IPO7: variants seen among roughly 807,000 people sequenced by gnomAD.
IPO7 encodes the protein importin-7.
In IPO7, 13 loss-of-function variants were observed where a neutral mutation model predicts 136.4. The observed-to-expected ratio is 0.10, with a 90% CI of 0.06 to 0.15. The LOEUF (loss-of-function observed/expected upper bound fraction) is 0.15. Among genes scored for constraint, IPO7 ranks in the 10% least tolerant of loss-of-function variants. The pLI is 1.00. For synonymous variants in IPO7, 403 were observed against 404.4 expected, an observed-to-expected ratio of 1.00 and a Z score of 0.04; for missense variants, 857 against 1,240.6, an observed-to-expected ratio of 0.69 and a Z score of 4.65.
In IPO7 at chr11:9,429,750, T is replaced by A. The variant is rs993074265; in HGVS notation, c.1668T>A (p.Asp556Glu). The A allele has an allele frequency of 1.2e-6, 2 of 1,605,288 alleles. No individual in the cohort carries two copies. The highest frequency in any genetic ancestry group is 1.7e-6 in the Non-Finnish European group (2 of 1,174,130). Residue 556 changes from aspartate (D) to glutamate (E), a missense_variant, in exon 15 of 25, where the codon GAT (aspartate) becomes GAA (glutamate). Asp to Glu is a conservative substitution (Grantham distance 45, BLOSUM62 2). Coordinates refer to ENST00000379719, the MANE Select transcript of IPO7 (RefSeq NM_006391.3). ...ACATTATAAGAGAAACAGAAAATGATGACCTTACCAATGTAATTCAGAAAA... is the reference window on the plus strand; with the variant it reads ...ACATTATAAGAGAAACAGAAAATGAAGACCTTACCAATGTAATTCAGAAAA... The part of the protein sequence containing the change: ...LLHIIRETEN[D>E]DLTNVIQKMI...
chr11:9,429,658 ACT>A lies in IPO7; in HGVS notation c.1592-13_1592-12del. The A allele has an allele frequency of 6.3e-7, 1 of 1,590,620 alleles. No individual in the cohort carries two copies. The highest frequency in any genetic ancestry group is 8.5e-7 in the Non-Finnish European group (1 of 1,173,804). ...TTTAGGGGTTTTACGCAAGTTTTTTACTCTTTCTCTTACAGCTAAAGAATATA... is the reference window on the plus strand; with the variant it reads ...TTTAGGGGTTTTACGCAAGTTTTTTACTTTCTCTTACAGCTAAAGAATATA... On this transcript the variant is annotated splice_polypyrimidine_tract_variant and intron_variant, in intron 14 of 24. Coordinates refer to ENST00000379719, the MANE Select transcript of IPO7 (RefSeq NM_006391.3).
intron 18 of IPO7, 54 bp downstream of exon 18, chr11:9,433,900 G>C: frequency 6.9e-7 from 1 of 1,449,728 alleles, no homozygotes; most frequent in Non-Finnish European, 9.4e-7. Context: ...TGATTTATTT[G>C]TAGCTTATCA....
chr11:9,414,187 A>G (rs1855007045), intron 4 of IPO7, 68 bp from the exon 5 acceptor site: 3 of 1,111,932 alleles, frequency 2.7e-6, no homozygotes, highest in East Asian at 2.8e-5. Context: ...AAATAAATGC[A>G]TAGTTTAAAT....
At chr11:9,433,366 T>G (rs1454298354) in intron 16 of IPO7, 1 of 522,952 alleles carries the variant, frequency 1.9e-6, no homozygotes. Context: ...TAGCCATTCC[T>G]TGTGTTTTTC....
chr11:9,443,601 A>AC, intron 24 of IPO7, among the ~76,000 whole-genome samples: 1 of 150,478 alleles, frequency 6.6e-6, no homozygotes, highest in Non-Finnish European at 1.5e-5. Flanking sequence ...CAAAAAAAAA[A>AC]AAAAAAAATT....
chr11:9,385,881 C>T (rs948417230), intron 1 of IPO7, among the ~76,000 whole-genome samples: 2 of 152,192 alleles, frequency 1.3e-5, no homozygotes, highest in Admixed American at 6.5e-5. Context: ...CTTAAAAGGG[C>T]TGCTGTAACT....
chr11:9,407,526 G>A (rs1056290641), intron 2 of IPO7, among the ~76,000 whole-genome samples: 55 of 152,178 alleles, frequency 3.6e-4, no homozygotes, highest in African/African-American at 1.3e-3. Context: ...CTGCACTCCA[G>A]CCTGGTGACA....
chr11:9,429,495 C>G (rs1042124830), intron 14 of IPO7, among the ~76,000 whole-genome samples, 179 bp from the exon 15 acceptor site: 2 of 151,876 alleles, frequency 1.3e-5, no homozygotes, highest in African/African-American at 4.8e-5. Flanking sequence ...CAGATCAAAA[C>G]CCTGCCTCTT....
intron 22 of IPO7, among the ~76,000 whole-genome samples, 171 bp downstream of exon 22, chr11:9,438,456 C>G (rs1238269738): frequency 6.6e-6 from 1 of 151,984 alleles, no homozygotes. Context: ...GAAACCCCAC[C>G]TCTACTAAAA....
At chr11:9,422,403 G>C (rs1208314054) in intron 8 of IPO7, among the ~76,000 whole-genome samples, 2 of 151,254 alleles carry the variant, frequency 1.3e-5, no homozygotes, top group Non-Finnish European at 2.9e-5. Flanking sequence ...TCAAAACACA[G>C]TTTTGTTTTT....
At position 9,437,964 on chromosome 11, in the gene IPO7, T is replaced by C; in HGVS notation, c.2479T>C (p.Cys827Arg). ...TACACAGTGGCTTAATGATGTTGAC[T>C]GTTTCTTGGGGTAAGTGATGTATTG... ...FITQWLNDVD[C>R]FLGLHDRKMC... Residue 827 changes from cysteine to arginine, a missense_variant, in exon 21 of 25, where the codon TGT (cysteine) becomes CGT (arginine). Physicochemically the swap from Cys to Arg is radical, Grantham distance 180. This residue lies in a region of IPO7 where 190 missense variants were observed against 249.0 expected (regional missense o/e 0.76). Transcript: ENST00000379719. 1.2e-6 allele frequency: 2 copies of C among 1,612,784 alleles called. No individual in the cohort carries two copies. The highest frequency in any genetic ancestry group is 1.7e-6 in the Non-Finnish European group (2 of 1,179,004).
chr11:9,417,182 T>C, intron 6 of IPO7, 34 bp downstream of exon 6: 1 of 889,430 alleles, frequency 1.1e-6, no homozygotes, highest in Non-Finnish European at 1.8e-6. Context: ...TATTACTAAA[T>C]GTAAATATTT....
In IPO7 at chr11:9,437,955, G is replaced by A; in HGVS notation, c.2470G>A (p.Asp824Asn). Reference protein sequence around the residue: ...TNHFITQWLNDVDCFLGLHDR... With the variant: ...TNHFITQWLNNVDCFLGLHDR... ...TCATTTTATTACACAGTGGCTTAAT[G>A]ATGTTGACTGTTTCTTGGGGTAAGT... The change falls in exon 21 of 25, where the codon GAT becomes AAT. Residue 824 changes from aspartate (D) to asparagine (N), a missense_variant. Around this residue, in one of 11 missense-constraint regions of IPO7, gnomAD observed 190 missense variants for 249.0 expected, o/e 0.76. Transcript: ENST00000379719. 6.2e-7 allele frequency: 1 copy of A among 1,609,490 alleles called. No homozygotes were observed. The highest frequency in any genetic ancestry group is 8.5e-7 in the Non-Finnish European group (1 of 1,178,112).
chr11:9,437,722 G>T lies in IPO7; in HGVS notation c.2269-32G>T, dbSNP rs76296331. 3,139 of 1,455,422 alleles carry T rather than the reference G, an allele frequency of 2.2e-3. 102 individuals are homozygous for T. In the East Asian group the frequency reaches 0.062, roughly 29 times the overall value. 90.2% of individuals were successfully genotyped at this position (1,455,422 alleles called of 1,614,324 possible). A position where few individuals can be genotyped will look rare whatever the true frequency, so the allele number is the denominator to read the frequency against. On this transcript the variant is annotated intron_variant, in intron 20 of 24. Coordinates refer to ENST00000379719, the MANE Select transcript of IPO7 (RefSeq NM_006391.3). ...GAATGTTTGCATGCTATTAATTATAGTCTTAGAATATCTTGCTATCTTTTT... is the reference window on the plus strand; with the variant it reads ...GAATGTTTGCATGCTATTAATTATATTCTTAGAATATCTTGCTATCTTTTT...
At chr11:9,432,592 G>A (rs1364371027) in intron 16 of IPO7, among the ~76,000 whole-genome samples, 2 of 152,058 alleles carry the variant, frequency 1.3e-5, no homozygotes, top group Non-Finnish European at 2.9e-5. Flanking sequence ...CAGATTAATT[G>A]TTTATTCTAT....
At chr11:9,409,029 G>A (rs73406204) in intron 3 of IPO7, among the ~76,000 whole-genome samples, 2,206 of 151,430 alleles carry the variant, frequency 0.015, 69 homozygotes, top group African/African-American at 0.051. Context: ...GGGGCTTTTG[G>A]GGGCTTTTCA....
In IPO7 at chr11:9,438,077, T is replaced by TTTTTA; in HGVS notation, c.2490-3_2490-2insTTTTA. The TTTTTA allele has an allele frequency of 8.3e-7, 1 of 1,201,296 alleles. No individual in the cohort carries two copies. The highest frequency in any genetic ancestry group is 1.2e-6 in the Non-Finnish European group (1 of 866,682). The allele number at this position is 1,201,296 out of a possible 1,614,324, so 74.4% of individuals were successfully genotyped here. A position where few individuals can be genotyped will look rare whatever the true frequency, so the allele number is the denominator to read the frequency against. On this transcript the variant is annotated splice_region_variant and splice_polypyrimidine_tract_variant and intron_variant, in intron 21 of 24. Transcript: ENST00000379719. ...TTTTTTTTTTTTTTTTTTTTTTTTT[T>TTTTTA]AGGCTTCATGACAGAAAGATGTGTG...
intron 2 of IPO7, among the ~76,000 whole-genome samples, chr11:9,404,757 G>A (rs532927183): frequency 2.6e-5 from 4 of 151,856 alleles, no homozygotes; most frequent in Non-Finnish European, 5.9e-5. Context: ...TAGTAGAGAC[G>A]GGGTTTCACC....
intron 1 of IPO7, among the ~76,000 whole-genome samples, chr11:9,395,785 C>A (rs1382196071): frequency 6.6e-6 from 1 of 152,072 alleles, no homozygotes; most frequent in East Asian, 1.9e-4. Context: ...GGCGCAATCT[C>A]GGCTCACTGC....
Sources: gnomAD v4.1 joint callset for allele counts (sites outside exome capture counted in the v4.1 genomes callset) on GRCh38, gnomAD v4.1.1 for gene constraint, gnomAD v4.1.1 regional missense constraint, MANE v1.5 for transcripts, NCBI Gene and HGNC (gene_info 2026-07-23, HGNC 2026-07-21) for gene names.